Variants in PLCB4 observed in about 807,000 individuals in gnomAD.
PLCB4 encodes the protein 1-phosphatidylinositol 4,5-bisphosphate phosphodiesterase beta-4.
PLCB4 carries 77 observed loss-of-function variants against 178.8 expected under a neutral mutation model. The ratio of observed to expected loss-of-function variants is 0.43; its 90% CI spans 0.36 to 0.52. The LOEUF (loss-of-function observed/expected upper bound fraction) is 0.52. PLCB4 is among the 20% of genes least tolerant of loss of function. PLCB4 has a pLI of 0.00. For missense variants in PLCB4, 1,024 were observed against 1,453.4 expected (o/e 0.70, Z 4.80); for synonymous variants, 496 against 490.8 (o/e 1.01, Z -0.14).
chr20:9,255,527 T>G (rs1281782780), intron 3 of PLCB4, among the ~76,000 whole-genome samples: 1 of 151,852 alleles, frequency 6.6e-6, no homozygotes, highest in East Asian at 1.9e-4. Context: ...GAACTTAGTT[T>G]TTTTTTTTTT....
chr20:9,344,264 C>T (rs2033562959), intron 7 of PLCB4, among the ~76,000 whole-genome samples: 2 of 152,196 alleles, frequency 1.3e-5, no homozygotes, highest in African/African-American at 4.8e-5. Flanking sequence ...AGCTTTCTCC[C>T]CCACAGCCCT....
intron 2 of PLCB4, among the ~76,000 whole-genome samples, chr20:9,170,285 T>G (rs1393648124): frequency 6.6e-6 from 1 of 152,240 alleles, no homozygotes; most frequent in African/African-American, 2.4e-5. Context: ...GTACAACACT[T>G]TCTTACAAAT....
intron 19 of PLCB4, among the ~76,000 whole-genome samples, chr20:9,396,247 G>T (rs1044537149): frequency 1.3e-5 from 2 of 152,160 alleles, no homozygotes; most frequent in South Asian, 2.1e-4. Context: ...TAATCCCTTT[G>T]TATAGACAAA....
intron 4 of PLCB4, among the ~76,000 whole-genome samples, chr20:9,327,792 TA>T (rs1170339975): frequency 6.6e-6 from 1 of 151,902 alleles, no homozygotes; most frequent in Non-Finnish European, 1.5e-5. Flanking sequence ...AAAATAATAA[TA>T]AAACAAAATT....
chr20:9,129,594 A>T (rs905919675), intron 2 of PLCB4, among the ~76,000 whole-genome samples: 9 of 152,124 alleles, frequency 5.9e-5, no homozygotes, highest in African/African-American at 2.2e-4. Context: ...GTGAATATCT[A>T]TTTACACCCA....
intron 2 of PLCB4, among the ~76,000 whole-genome samples, chr20:9,140,756 T>TTC (rs2146868770): frequency 6.6e-6 from 1 of 152,088 alleles, no homozygotes; most frequent in African/African-American, 2.4e-5. Flanking sequence ...TCCTGAGACC[T>TTC]CACCAGAAGC....
At chr20:9,320,421 G>A (rs1278348952) in intron 4 of PLCB4, among the ~76,000 whole-genome samples, 2 of 152,140 alleles carry the variant, frequency 1.3e-5, no homozygotes, top group African/African-American at 4.8e-5. Flanking sequence ...GCAGCTTTTG[G>A]CCGGCTTCCT....
intron 12 of PLCB4, among the ~76,000 whole-genome samples, chr20:9,379,270 G>T (rs1392499055): frequency 1.3e-5 from 2 of 152,090 alleles, no homozygotes; most frequent in Non-Finnish European, 2.9e-5. Flanking sequence ...TCATTGCCAT[G>T]AAGTTAGGAT....
chr20:9,360,475 C>CTT (rs71184143), intron 7 of PLCB4, among the ~76,000 whole-genome samples: 9 of 144,480 alleles, frequency 6.2e-5, no homozygotes, highest in Non-Finnish European at 9.2e-5. Context: ...AAATTGTCCA[C>CTT]TTTTTTTTTT....
At chr20:9,180,844 T>C in intron 2 of PLCB4, among the ~76,000 whole-genome samples, 1 of 152,228 alleles carries the variant, frequency 6.6e-6, no homozygotes, top group Non-Finnish European at 1.5e-5. Flanking sequence ...ATGCTATTTC[T>C]GTGATACCTT....
chr20:9,134,345 A>C (rs1312674069), intron 2 of PLCB4, among the ~76,000 whole-genome samples: 1 of 152,148 alleles, frequency 6.6e-6, no homozygotes, highest in Non-Finnish European at 1.5e-5. Flanking sequence ...TAATTTTATA[A>C]TTTTTAGCAT....
At chr20:9,291,459 A>G (rs975110164) in intron 3 of PLCB4, among the ~76,000 whole-genome samples, 1 of 152,192 alleles carries the variant, frequency 6.6e-6, no homozygotes, top group Non-Finnish European at 1.5e-5. Flanking sequence ...AATATAAGTT[A>G]ACTGAGATTA....
intron 3 of PLCB4, among the ~76,000 whole-genome samples, chr20:9,232,830 G>T (rs2093948040): frequency 6.6e-6 from 1 of 152,044 alleles, no homozygotes; most frequent in African/African-American, 2.4e-5. Context: ...GAGAAAAATA[G>T]TCCCTTAGAA....
At chr20:9,428,332 C>T (rs2041170406) in intron 28 of PLCB4, among the ~76,000 whole-genome samples, 1 of 152,094 alleles carries the variant, frequency 6.6e-6, no homozygotes, top group South Asian at 2.1e-4. Flanking sequence ...AAATATTAGT[C>T]AGACTTCAAG....
intron 2 of PLCB4, among the ~76,000 whole-genome samples, chr20:9,193,553 G>A (rs1297464886): frequency 1.3e-5 from 2 of 152,136 alleles, no homozygotes; most frequent in East Asian, 3.9e-4. Flanking sequence ...TTAGATTAGT[G>A]GGTGCTAAGC....
At chr20:9,197,426 T>A (rs2093485989) in intron 2 of PLCB4, among the ~76,000 whole-genome samples, 1 of 152,202 alleles carries the variant, frequency 6.6e-6, no homozygotes, top group South Asian at 2.1e-4. Context: ...GAAAAAATAA[T>A]GTAAAATATC....
intron 19 of PLCB4, among the ~76,000 whole-genome samples, chr20:9,400,742 A>G (rs1344754765): frequency 2.6e-5 from 4 of 152,208 alleles, no homozygotes; most frequent in African/African-American, 9.7e-5. Context: ...CACATTTTCC[A>G]GCAGGTACTT....
At chr20:9,098,996 A>G (rs1238937850) in intron 2 of PLCB4, among the ~76,000 whole-genome samples, 1 of 151,716 alleles carries the variant, frequency 6.6e-6, no homozygotes, top group Non-Finnish European at 1.5e-5. Flanking sequence ...CTATAAGGAA[A>G]TATATATGAA....
At chr20:9,144,235 T>C (rs1035560606) in intron 2 of PLCB4, among the ~76,000 whole-genome samples, 2 of 152,008 alleles carry the variant, frequency 1.3e-5, no homozygotes, top group South Asian at 4.1e-4. Context: ...ATCTTTAAGG[T>C]TGATGTCTGG....
Sources: allele counts gnomAD v4.1 joint callset (sites outside exome capture counted in the v4.1 genomes callset), GRCh38; gene constraint gnomAD v4.1.1; transcripts MANE v1.5; gene names NCBI Gene and HGNC (gene_info 2026-07-23, HGNC 2026-07-21).